The following RAPGEF4 variants were observed in gnomAD, a reference collection of about 807,000 sequenced individuals.
The protein encoded by RAPGEF4 is RAP guanine-nucleotide-exchange factor (GEF) 4.
RAPGEF4 carries 66 observed loss-of-function variants against 147.9 expected under a neutral mutation model. The observed-to-expected ratio is 0.45, with a 90% CI of 0.37 to 0.55. The LOEUF (loss-of-function observed/expected upper bound fraction) is 0.55. Among genes scored for constraint, RAPGEF4 ranks in the 20% least tolerant of loss-of-function variants. The pLI, the probability that RAPGEF4 is intolerant of heterozygous loss-of-function variation, is 0.00. For missense variants in RAPGEF4, 1,071 were observed against 1,257.3 expected, an observed-to-expected ratio of 0.85 and a Z score of 2.24; for synonymous variants, 419 against 442.7, an observed-to-expected ratio of 0.95 and a Z score of 0.67.
At chr2:172,760,514 C>T (rs919086742) in intron 1 of RAPGEF4, among the ~76,000 whole-genome samples, 3 of 152,060 alleles carry the variant, frequency 2.0e-5, no homozygotes, top group Admixed American at 6.6e-5. Context: ...GTCAGGAGAT[C>T]GAGACCATCC....
intron 16 of RAPGEF4, among the ~76,000 whole-genome samples, chr2:172,997,971 G>A (rs185916493): frequency 1.1e-4 from 16 of 152,172 alleles, no homozygotes; most frequent in African/African-American, 2.2e-4. Flanking sequence ...AGATATAATC[G>A]TCAGGATCAC....
intron 4 of RAPGEF4, among the ~76,000 whole-genome samples, chr2:172,905,822 G>C (rs1190866987): frequency 6.6e-6 from 1 of 152,208 alleles, no homozygotes. Flanking sequence ...CACTGAAAGG[G>C]CTTCGAACTT....
intron 1 of RAPGEF4, among the ~76,000 whole-genome samples, chr2:172,794,205 C>T (rs1479760649): frequency 6.6e-6 from 1 of 151,828 alleles, no homozygotes; most frequent in Non-Finnish European, 1.5e-5. Context: ...TAGTGAAACC[C>T]CATCTCTACT....
intron 4 of RAPGEF4, among the ~76,000 whole-genome samples, chr2:172,823,882 G>A (rs1689377287): frequency 6.6e-6 from 1 of 152,184 alleles, no homozygotes; most frequent in Non-Finnish European, 1.5e-5. Flanking sequence ...CAACTTTGCT[G>A]GATGACATTT....
rs1335013517 is a variant in RAPGEF4, at chr2:173,020,579, T to G, written c.2156-39T>G. 4 of 1,507,836 alleles carry G rather than the reference T, an allele frequency of 2.7e-6. No individual in the cohort carries two copies. In the South Asian group the frequency reaches 3.4e-5, roughly 13 times the overall value. The allele number at this position is 1,507,836 out of a possible 1,614,324, so 93.4% of individuals were successfully genotyped here. A position where few individuals can be genotyped will look rare whatever the true frequency, so the allele number is the denominator to read the frequency against. ...TTAGGGCAGTGCAGCAAATCTCAGA[T>G]GTATTTAATAGGCAATCTCATGCTT... On this transcript the variant is annotated intron_variant, in intron 22 of 30. Transcript: ENST00000397081.
intron 23 of RAPGEF4, among the ~76,000 whole-genome samples, chr2:173,022,814 A>T (rs1207027777): frequency 6.6e-6 from 1 of 152,248 alleles, no homozygotes; most frequent in African/African-American, 2.4e-5. Flanking sequence ...CTAGTGGTTA[A>T]GGGTTCAGAT....
chr2:173,020,174 A>C (rs1296531019), intron 22 of RAPGEF4, among the ~76,000 whole-genome samples: 1 of 152,194 alleles, frequency 6.6e-6, no homozygotes, highest in Non-Finnish European at 1.5e-5. Flanking sequence ...TGCCCTGCAA[A>C]TTAGGGAATA....
At chr2:173,008,315 A>T (rs1223957522) in intron 17 of RAPGEF4, among the ~76,000 whole-genome samples, 2 of 152,202 alleles carry the variant, frequency 1.3e-5, no homozygotes, top group Non-Finnish European at 2.9e-5. Flanking sequence ...CTAATACATT[A>T]TACTTGCCCT....
At chr2:172,942,407 A>G (rs900622735) in intron 6 of RAPGEF4, among the ~76,000 whole-genome samples, 3 of 151,780 alleles carry the variant, frequency 2.0e-5, no homozygotes, top group African/African-American at 7.3e-5. Flanking sequence ...TAAAGGAGAC[A>G]GCATTTTGCT....
rs200325308 is a variant in RAPGEF4 at position 173,023,856 on chromosome 2, C to T, written c.2254-2716C>T. On this transcript the variant is annotated intron_variant, in intron 23 of 30. Coordinates refer to ENST00000397081, the MANE Select transcript of RAPGEF4 (RefSeq NM_007023.4). The stretch of plus-strand genomic sequence containing the variant: ...AGGAATAACGTAGGAGGGGCAGCTC[C>T]GCAGAGCAGCAGAAGGGCTGTGTTC... Among the ~76,000 whole-genome samples, 94 of 152,272 alleles carry T rather than the reference C, an allele frequency of 6.2e-4. No homozygotes were observed. In the East Asian group the frequency reaches 8.3e-3, roughly 13 times the overall value.
At chr2:173,005,682 C>A (rs1402635282) in intron 17 of RAPGEF4, among the ~76,000 whole-genome samples, 1 of 151,926 alleles carries the variant, frequency 6.6e-6, no homozygotes, top group Non-Finnish European at 1.5e-5. Flanking sequence ...ACCACCACAC[C>A]CAGCTAATTT....
chr2:172,949,750 A>G (rs970746867), intron 6 of RAPGEF4, among the ~76,000 whole-genome samples: 4 of 152,242 alleles, frequency 2.6e-5, no homozygotes, highest in African/African-American at 9.6e-5. Flanking sequence ...TGAGCACAAC[A>G]GATGACATTC....
At chr2:172,844,426 TG>T (rs1437432099) in intron 4 of RAPGEF4, among the ~76,000 whole-genome samples, 1 of 152,210 alleles carries the variant, frequency 6.6e-6, no homozygotes, top group Non-Finnish European at 1.5e-5. Flanking sequence ...GCTTTTCTCC[TG>T]TGCAGGCAGG....
At chr2:172,833,349 G>T (rs896486528) in intron 4 of RAPGEF4, among the ~76,000 whole-genome samples, 9 of 149,532 alleles carry the variant, frequency 6.0e-5, no homozygotes, top group Non-Finnish European at 1.0e-4. Context: ...CTAAGGGGAA[G>T]AACGCATTTT....
intron 1 of RAPGEF4, among the ~76,000 whole-genome samples, chr2:172,749,864 A>G (rs1695112030): frequency 6.6e-6 from 1 of 152,276 alleles, no homozygotes; most frequent in South Asian, 2.1e-4. Flanking sequence ...TTCTTCTGCT[A>G]GATACCCTAA....
At chr2:173,022,482 C>G (rs1696203832) in intron 23 of RAPGEF4, among the ~76,000 whole-genome samples, 1 of 152,234 alleles carries the variant, frequency 6.6e-6, no homozygotes, top group Non-Finnish European at 1.5e-5. Context: ...AGCTCCTTCT[C>G]TGGCTTTCTA....
At chr2:172,909,563 C>T (rs1172541158) in intron 4 of RAPGEF4, among the ~76,000 whole-genome samples, 1 of 152,092 alleles carries the variant, frequency 6.6e-6, no homozygotes. Context: ...TGTCCAAGAG[C>T]TCAGCCAGGC....
chr2:172,839,671 C>G (rs1409311047), intron 4 of RAPGEF4, among the ~76,000 whole-genome samples: 3 of 151,384 alleles, frequency 2.0e-5, no homozygotes, highest in East Asian at 3.8e-4. Flanking sequence ...GGAATGCAGC[C>G]CGGTAGGTTT....
intron 1 of RAPGEF4, among the ~76,000 whole-genome samples, chr2:172,781,699 A>G (rs1406115144): frequency 6.6e-6 from 1 of 152,162 alleles, no homozygotes; most frequent in Non-Finnish European, 1.5e-5. Context: ...CGAGACCCTG[A>G]TATAAAATGG....
Sources: allele counts gnomAD v4.1 joint callset (sites outside exome capture counted in the v4.1 genomes callset), GRCh38; gene constraint gnomAD v4.1.1; transcripts MANE v1.5; gene names NCBI Gene and HGNC (gene_info 2026-07-23, HGNC 2026-07-21).